The following GRIP2 variants were observed in gnomAD, a reference collection of about 807,000 sequenced individuals.
The protein encoded by GRIP2 is glutamate receptor-interacting protein 2.
Under a neutral mutation model 108.3 loss-of-function variants are expected in GRIP2, and 58 were observed. That is an observed-to-expected ratio of 0.54 (90% CI 0.43 to 0.67). The LOEUF (loss-of-function observed/expected upper bound fraction) is 0.67. GRIP2 is among the 30% of genes least tolerant of loss of function. The pLI, the probability that GRIP2 is intolerant of heterozygous loss-of-function variation, is 0.00. For missense variants in GRIP2, 1,278 were observed against 1,430.6 expected (o/e 0.89, Z 1.72); for synonymous variants, 586 against 598.2 (o/e 0.98, Z 0.30).
chr3:14,493,145 A>G lies in GRIP2; in HGVS notation c.*520T>C, dbSNP rs1701372884. The G allele has an allele frequency of 6.5e-6, 1 of 152,706 alleles. No homozygotes were observed. The highest frequency in any genetic ancestry group is 6.5e-5 in the Admixed American group (1 of 15,294). 9.5% of individuals were successfully genotyped at this position (152,706 alleles called of 1,614,324 possible). On this transcript the variant is annotated 3_prime_UTR_variant, in exon 24 of 24. Transcript: ENST00000621039. ...CTAGATGAAGTGGCTCCCCATCAGGAAGCCAACCCCCAAGCGCGTGTGCAC... is the reference window on the plus strand; with the variant it reads ...CTAGATGAAGTGGCTCCCCATCAGGGAGCCAACCCCCAAGCGCGTGTGCAC...
chr3:14,590,308 G>T, the GRIP2 span, among the ~76,000 whole-genome samples: 2 of 152,080 alleles, frequency 1.3e-5, no homozygotes, highest in African/African-American at 2.4e-5. Flanking sequence ...GCAGATCTTT[G>T]TGTACTCAGA....
intron 1 of GRIP2, among the ~76,000 whole-genome samples, chr3:14,533,403 C>T (rs1694758220): frequency 6.6e-6 from 1 of 152,062 alleles, no homozygotes; most frequent in Non-Finnish European, 1.5e-5. Flanking sequence ...TTTATGAATC[C>T]TAAGAGAAAA....
chr3:14,526,647 A>C (rs893722184), intron 1 of GRIP2, among the ~76,000 whole-genome samples: 2 of 152,074 alleles, frequency 1.3e-5, no homozygotes, highest in African/African-American at 4.8e-5. Context: ...GTACTTTAGG[A>C]CTTTCCATTT....
the GRIP2 span, among the ~76,000 whole-genome samples, chr3:14,581,981 GGGA>G: frequency 1.3e-5 from 2 of 152,178 alleles, no homozygotes; most frequent in Non-Finnish European, 2.9e-5. Context: ...CTTGAGAGAG[GGGA>G]GAAGTAGTGG....
upstream of GRIP2, among the ~76,000 whole-genome samples, chr3:14,544,028 C>T (rs1021816499): frequency 2.0e-5 from 3 of 152,200 alleles, no homozygotes; most frequent in East Asian, 3.8e-4. Flanking sequence ...AAACTAACGC[C>T]GTCAAATAGG....
At position 14,520,444 on chromosome 3, in the gene GRIP2, C is replaced by T. The variant is rs1575012091; in HGVS notation, c.806G>A (p.Arg269Gln). ...LGISLTTTSL[R>Q]NKSVITIDRI... ...GTCGATGGTAATGACTGACTTGTTC[C>T]GGAGGGAGGTGGTGGTGAGCGAGAT... Residue 269 changes from arginine (R) to glutamine (Q), a missense_variant, in exon 8 of 24, where the codon CGG (arginine) becomes CAG (glutamine). Transcript: ENST00000621039. 5.6e-6 allele frequency: 9 copies of T among 1,613,714 alleles called. No individual in the cohort carries two copies. Among genetic ancestry groups the T allele is most frequent in the African/African-American group, 1.3e-5 (1 of 75,050 alleles).
the GRIP2 span, among the ~76,000 whole-genome samples, chr3:14,577,413 G>T: frequency 1.3e-5 from 2 of 152,186 alleles, no homozygotes; most frequent in African/African-American, 2.4e-5. Flanking sequence ...CAGAGACAAA[G>T]CAGAGAGAGA....
chr3:14,525,509 G>A lies in GRIP2; in HGVS notation c.185C>T (p.Thr62Ile). The change falls in exon 3 of 24, where the codon ACT becomes ATT. Residue 62 changes from threonine (T) to isoleucine (I), a missense_variant. Thr to Ile is a moderately conservative substitution (Grantham distance 89). Coordinates refer to ENST00000621039, the MANE Select transcript of GRIP2 (RefSeq NM_001080423.4). ...IKKEGSTLGL[T>I]ISGGTDKDGK... Reference sequence around the variant, plus strand: ...ATCCTTGTCGGTGCCACCTGAGATAGTCAGGCCCAGCGTGCTGCCTTCTTT... The same window carrying A: ...ATCCTTGTCGGTGCCACCTGAGATAATCAGGCCCAGCGTGCTGCCTTCTTT... 6.2e-7 allele frequency: 1 copy of A among 1,613,778 alleles called. No individual in the cohort carries two copies.
chr3:14,522,892 C>G lies in GRIP2; in HGVS notation c.566+108G>C. The G allele has an allele frequency of 1.1e-6, 1 of 914,680 alleles. No individual in the cohort carries two copies. The allele number at this position is 914,680 out of a possible 1,614,324, so 56.7% of individuals were successfully genotyped here. ...CGGGCAGGGAGTGTTCCCTCAGGGC[C>G]TCGATCTCTTCATCTGGGGAAGGGG... On this transcript the variant is annotated intron_variant, in intron 6 of 23. Transcript: ENST00000621039. The surrounding 1 kb of genome is among the most constrained non-coding windows in gnomAD (Gnocchi z 4.3).
the GRIP2 span, among the ~76,000 whole-genome samples, chr3:14,590,811 C>A: frequency 6.6e-6 from 1 of 152,234 alleles, no homozygotes; most frequent in African/African-American, 2.4e-5. Flanking sequence ...GAGAGTACCA[C>A]AATGTGCCCC....
intron 1 of GRIP2, among the ~76,000 whole-genome samples, chr3:14,549,654 C>G (rs1695112610): frequency 6.6e-6 from 1 of 152,326 alleles, no homozygotes; most frequent in Middle Eastern, 3.4e-3. Context: ...ACATAAGCCT[C>G]TAATAATGAC....
chr3:14,511,507 C>G lies in GRIP2; in HGVS notation c.1721-28G>C, dbSNP rs747619464. ...GGAGAAAAAGAGGCCATGAATCTGACCTTGGTGGCCTCAGCCTGGGGTGGG... is the reference window on the plus strand; with the variant it reads ...GGAGAAAAAGAGGCCATGAATCTGAGCTTGGTGGCCTCAGCCTGGGGTGGG... On this transcript the variant is annotated intron_variant, in intron 14 of 23. Coordinates refer to ENST00000621039, the MANE Select transcript of GRIP2 (RefSeq NM_001080423.4). This position sits in a 1 kb window ranked among gnomAD's most constrained non-coding sequence, Gnocchi z 4.1. 2 of 1,609,942 alleles carry G rather than the reference C, an allele frequency of 1.2e-6. No homozygotes were observed. The highest frequency in any genetic ancestry group is 2.7e-5 in the African/African-American group (2 of 74,832).
chr3:14,499,038 T>C (rs1490333776), intron 21 of GRIP2, among the ~76,000 whole-genome samples: 3 of 152,162 alleles, frequency 2.0e-5, no homozygotes, highest in Non-Finnish European at 2.9e-5. Context: ...GGAAAATGTC[T>C]GCCCACAGGG....
chr3:14,521,436 C>A lies in GRIP2; in HGVS notation c.712+206G>T, dbSNP rs1440325395. ...AGAATGCCAGCTCCATGAGAACAGA[C>A]ACCTCAATTCTGTTGTTCTAGGCTG... On this transcript the variant is annotated intron_variant, in intron 7 of 23. Transcript: ENST00000621039. This position sits in a 1 kb window ranked among gnomAD's most constrained non-coding sequence, Gnocchi z 5.1. 1.3e-5 allele frequency: 7 copies of A among 546,158 alleles called. No individual in the cohort carries two copies. The highest frequency in any genetic ancestry group is 3.9e-5 in the African/African-American group (2 of 51,256). The allele number at this position is 546,158 out of a possible 1,614,324, so 33.8% of individuals were successfully genotyped here.
At chr3:14,541,927 C>A (rs1388911035), upstream of GRIP2, 2 of 1,345,446 alleles carry the variant, frequency 1.5e-6, no homozygotes, top group Non-Finnish European at 9.9e-7. Context: ...GCCATGAAGA[C>A]CCTGGCCTTC....
chr3:14,587,088 T>C, the GRIP2 span, among the ~76,000 whole-genome samples: 1 of 152,222 alleles, frequency 6.6e-6, no homozygotes, highest in Non-Finnish European at 1.5e-5. Context: ...AACAATTACA[T>C]GCTTAATCTG....
chr3:14,573,998 G>T, the GRIP2 span: 2 of 1,200,022 alleles, frequency 1.7e-6, no homozygotes, highest in East Asian at 2.4e-5. Flanking sequence ...GCGAAAACTT[G>T]GCACCCAGGT....
chr3:14,574,336 G>T, the GRIP2 span: 1 of 1,028,634 alleles, frequency 9.7e-7, no homozygotes, highest in Non-Finnish European at 1.5e-6. Flanking sequence ...AAGAGTTTGC[G>T]CACCGGCACA....
At position 14,494,785 on chromosome 3, in the gene GRIP2, C is replaced by T. The variant is rs1287986087; in HGVS notation, c.2970+58G>A. 9 of 1,550,224 alleles carry T rather than the reference C, an allele frequency of 5.8e-6. No individual in the cohort carries two copies. The African/African-American group carries it at 1.2e-4, about 21-fold the overall frequency. Reference sequence around the variant, plus strand: ...AGGCGATAGATGCAGGCTCTTTCCCCACCCTCAGGCTAGGAAACAATGCCA... The same window carrying T: ...AGGCGATAGATGCAGGCTCTTTCCCTACCCTCAGGCTAGGAAACAATGCCA... On this transcript the variant is annotated intron_variant, in intron 23 of 23. Coordinates refer to ENST00000621039, the MANE Select transcript of GRIP2 (RefSeq NM_001080423.4).
Sources: gnomAD v4.1 joint callset for allele counts (sites outside exome capture counted in the v4.1 genomes callset) on GRCh38, gnomAD v4.1.1 for gene constraint, Gnocchi (gnomAD v3.1) non-coding constraint, MANE v1.5 for transcripts, NCBI Gene and HGNC (gene_info 2026-07-23, HGNC 2026-07-21) for gene names.